MGAT4C: variants seen among roughly 807,000 people sequenced by gnomAD.
The protein encoded by MGAT4C is alpha-1,3-mannosyl-glycoprotein 4-beta-N-acetylglucosaminyltransferase C.
A neutral mutation model predicts 40.1 loss-of-function variants in MGAT4C; 19 were observed. The observed-to-expected ratio is 0.47, with a 90% CI of 0.33 to 0.70. The LOEUF is 0.70. Ranked by LOEUF, MGAT4C falls within the 30% of genes least tolerant of loss-of-function variation. The pLI is 0.02. For synonymous variants in MGAT4C, 181 were observed against 187.1 expected (o/e 0.97, Z 0.27); for missense variants, 491 against 563.2 (o/e 0.87, Z 1.30).
chr12:86,052,901 G>T (rs1363932410), intron 1 of MGAT4C, among the ~76,000 whole-genome samples: 6 of 152,070 alleles, frequency 3.9e-5, no homozygotes, highest in African/African-American at 1.4e-4. Flanking sequence ...ATTTGTGCAA[G>T]CGGTGCCTGC....
In MGAT4C at chr12:86,235,982, C is replaced by A. The variant is rs201414152; in HGVS notation, c.-57+20257G>T. ...GAAGGTCAGCATATTTTAAGATATA[C>A]TCTTGGATTAACATAGCATTATGTC... On this transcript the variant is annotated intron_variant, in intron 1 of 4. Coordinates refer to ENST00000611864, the MANE Select transcript of MGAT4C (RefSeq NM_001351288.2). Among the ~76,000 whole-genome samples, 3 of 152,000 alleles carry A rather than the reference C, an allele frequency of 2.0e-5. No individual in the cohort carries two copies. In the East Asian group the frequency reaches 5.8e-4, roughly 29 times the overall value.
chr12:86,137,373 T>C (rs759780187), intron 1 of MGAT4C, among the ~76,000 whole-genome samples: 7 of 152,222 alleles, frequency 4.6e-5, no homozygotes, highest in African/African-American at 1.4e-4. Context: ...TATATTTTCC[T>C]AGGCTTCAAT....
chr12:86,819,128 G>C (rs1952658114), intron 1 of MGAT4C, among the ~76,000 whole-genome samples: 1 of 150,886 alleles, frequency 6.6e-6, no homozygotes, highest in Non-Finnish European at 1.5e-5. Flanking sequence ...TTTTTATTTA[G>C]TACTTTCCAC....
At chr12:86,795,846 T>C (rs530849280) in intron 1 of MGAT4C, among the ~76,000 whole-genome samples, 1 of 152,122 alleles carries the variant, frequency 6.6e-6, no homozygotes, top group Non-Finnish European at 1.5e-5. Flanking sequence ...TTAGTAGATT[T>C]TGAATCCTAC....
chr12:86,091,793 A>G (rs2135571469), intron 1 of MGAT4C, among the ~76,000 whole-genome samples: 1 of 152,214 alleles, frequency 6.6e-6, no homozygotes, highest in East Asian at 1.9e-4. Context: ...ATATCATAAC[A>G]TCTCTGTATT....
chr12:85,970,441 T>C lies in MGAT4C; in HGVS notation c.*8848A>G, dbSNP rs1431085826. On this transcript the variant is annotated 3_prime_UTR_variant, in exon 5 of 5. Transcript: ENST00000611864. ...AGTTAGTGAAAACTGTTAAATTGAT[T>C]ATGAACGTAGGCACATTACTTATAA... is the stretch of plus-strand genomic sequence containing the variant. 1 of 151,294 alleles carries C rather than the reference T, an allele frequency of 6.6e-6. No homozygotes were observed. The highest frequency in any genetic ancestry group is 1.5e-5 in the Non-Finnish European group (1 of 67,384). The allele number at this position is 151,294 out of a possible 1,614,324, so 9.4% of individuals were successfully genotyped here. A position where few individuals can be genotyped will look rare whatever the true frequency, so the allele number is the denominator to read the frequency against.
chr12:86,270,472 A>T (rs184469717), intron 4 of MGAT4C, among the ~76,000 whole-genome samples: 1 of 152,222 alleles, frequency 6.6e-6, no homozygotes, highest in East Asian at 1.9e-4. Context: ...TGTCTCTATG[A>T]ATTTGACTAC....
chr12:86,272,605 C>T (rs1344328619), intron 4 of MGAT4C, among the ~76,000 whole-genome samples: 6 of 151,838 alleles, frequency 4.0e-5, no homozygotes. Context: ...AATTCCAGTA[C>T]TTTGGGAGGC....
chr12:86,830,262 C>A (rs1952895525), intron 1 of MGAT4C, among the ~76,000 whole-genome samples: 1 of 151,598 alleles, frequency 6.6e-6, no homozygotes, highest in Admixed American at 6.6e-5. Context: ...GTATGTTTCA[C>A]ACTGTCTTTC....
chr12:86,495,508 A>G (rs1958221011), intron 2 of MGAT4C, among the ~76,000 whole-genome samples: 1 of 152,058 alleles, frequency 6.6e-6, no homozygotes, highest in African/African-American at 2.4e-5. Context: ...TTATGCCTGT[A>G]TTTGAAGACT....
intron 2 of MGAT4C, among the ~76,000 whole-genome samples, chr12:86,723,646 A>G (rs4382969): frequency 0.094 from 14,327 of 152,232 alleles, 842 homozygotes; most frequent in Middle Eastern, 0.24. Context: ...ACCTCTGTAA[A>G]GGCACTATTT....
intron 1 of MGAT4C, among the ~76,000 whole-genome samples, chr12:86,165,323 A>T (rs9943838): frequency 6.6e-6 from 1 of 151,952 alleles, no homozygotes; most frequent in Non-Finnish European, 1.5e-5. Context: ...AACATTCCAC[A>T]CACACATAAA....
chr12:86,206,641 T>C (rs1950265398), intron 1 of MGAT4C, among the ~76,000 whole-genome samples: 1 of 152,116 alleles, frequency 6.6e-6, no homozygotes, highest in Non-Finnish European at 1.5e-5. Flanking sequence ...ACTCTTGCTC[T>C]CTCACCCTCT....
chr12:86,625,574 A>G (rs754462024), intron 2 of MGAT4C, among the ~76,000 whole-genome samples: 15 of 152,160 alleles, frequency 9.9e-5, no homozygotes, highest in Non-Finnish European at 1.6e-4. Flanking sequence ...TCAAAGGAAC[A>G]TAAGAAAATG....
Position 86,111,036 on chromosome 12 carries a change from G to A in MGAT4C, c.-56-61313C>T, listed in dbSNP as rs146556851. On this transcript the variant is annotated intron_variant, in intron 1 of 4. Coordinates refer to ENST00000611864, the MANE Select transcript of MGAT4C (RefSeq NM_001351288.2). The stretch of plus-strand genomic sequence containing the variant: ...TAAAATATAAGCAGTAGAACACTTT[G>A]CTTTAACAAATACTAATTTATTTTA... 5.1e-3 allele frequency among the ~76,000 whole-genome samples: 767 copies of A among 151,662 alleles called. 4 individuals carry two copies. The highest frequency in any genetic ancestry group is 0.01 in the Middle Eastern group (3 of 294).
intron 4 of MGAT4C, among the ~76,000 whole-genome samples, chr12:85,981,962 G>A (rs540342169): frequency 6.6e-6 from 1 of 152,054 alleles, no homozygotes; most frequent in African/African-American, 2.4e-5. Context: ...TAGACAATTA[G>A]AAAGAAGCCT....
chr12:86,068,272 C>G (rs1894751637), intron 1 of MGAT4C: 1 of 152,094 alleles, frequency 6.6e-6, no homozygotes, highest in Admixed American at 6.6e-5. Flanking sequence ...ATGTTCTACT[C>G]TTCATGTCTT....
chr12:86,201,844 G>A (rs1950063830), intron 1 of MGAT4C, among the ~76,000 whole-genome samples: 1 of 151,932 alleles, frequency 6.6e-6, no homozygotes, highest in African/African-American at 2.4e-5. Flanking sequence ...TGGTTTTAAT[G>A]TTTAGTGCAG....
At chr12:86,375,880 A>G (rs1243242651) in intron 3 of MGAT4C, among the ~76,000 whole-genome samples, 1 of 152,138 alleles carries the variant, frequency 6.6e-6, no homozygotes, top group Non-Finnish European at 1.5e-5. Flanking sequence ...TGGAGAGACT[A>G]TACAACGCAT....
Sources: allele counts gnomAD v4.1 joint callset (sites outside exome capture counted in the v4.1 genomes callset), GRCh38; gene constraint gnomAD v4.1.1; transcripts MANE v1.5; gene names NCBI Gene and HGNC (gene_info 2026-07-23, HGNC 2026-07-21).